FMNL2: variants seen among roughly 807,000 people sequenced by gnomAD.
FMNL2 encodes the protein formin like 2.
A neutral mutation model predicts 130.2 loss-of-function variants in FMNL2; 51 were observed. The observed-to-expected ratio is 0.39, with a 90% CI of 0.31 to 0.49. The LOEUF is 0.49. Among genes scored for constraint, FMNL2 ranks in the 20% least tolerant of loss-of-function variants. The probability of loss-of-function intolerance (pLI) is 0.85; values close to 1 mark genes in which losing one functional copy is unlikely to be tolerated. For synonymous variants in FMNL2, 465 were observed against 467.1 expected, an observed-to-expected ratio of 1.00 and a Z score of 0.06; for missense variants, 977 against 1,316.2, an observed-to-expected ratio of 0.74 and a Z score of 3.99.
intron 1 of FMNL2, among the ~76,000 whole-genome samples, chr2:152,473,334 G>C (rs1466510201): frequency 6.6e-6 from 1 of 152,110 alleles, no homozygotes; most frequent in African/African-American, 2.4e-5. Context: ...CTCCCAAGTT[G>C]CTGGGATTAC....
intron 1 of FMNL2, among the ~76,000 whole-genome samples, chr2:152,374,860 GTCCCTAGGTC>G (rs1393848971): frequency 6.6e-6 from 1 of 152,152 alleles, no homozygotes; most frequent in Non-Finnish European, 1.5e-5. Context: ...ATATGAGAGG[GTCCCTAGGTC>G]TCACTTTCAG....
rs773973729 is a variant in FMNL2 at position 152,569,704 on chromosome 2, T to TA, written c.597-5418dup. 2.2e-3 allele frequency among the ~76,000 whole-genome samples: 284 copies of TA among 126,366 alleles called. 1 individual carries two copies. Among genetic ancestry groups the TA allele is most frequent in the African/African-American group, 5.4e-3 (184 of 34,130 alleles). The allele number at this position is 126,366 out of a possible 152,430, so 82.9% of individuals were successfully genotyped here. A position where few individuals can be genotyped will look rare whatever the true frequency, so the allele number is the denominator to read the frequency against. The stretch of plus-strand genomic sequence containing the variant: ...TCAAAAAAAAAAAAAAAAAGGAAGT[T>TA]AAAAAAAAAAAAAAGATACTTGTGG... On this transcript the variant is annotated intron_variant, in intron 6 of 25. Transcript: ENST00000288670.
Position 152,637,621 on chromosome 2 carries a change from A to C in FMNL2, c.2893A>C (p.Thr965Pro), listed in dbSNP as rs777852364. The C allele has an allele frequency of 2.3e-5, 37 of 1,613,862 alleles. No homozygotes were observed. The highest frequency in any genetic ancestry group is 4.5e-5 in the East Asian group (2 of 44,888). ...GTATTTTGGAGAAAACCCCAAGACA[A>C]CACCACCCTCTGTCTTCTTTCCTGT... ...VKYFGENPKT[T>P]PPSVFFPVFV... is the part of the protein sequence containing the mutation. The change falls in exon 23 of 26, where the codon ACA becomes CCA. Residue 965 changes from threonine to proline, a missense_variant. Around this residue, in one of 4 missense-constraint regions of FMNL2, gnomAD observed 168 missense variants for 168.8 expected, o/e 1.00. Transcript: ENST00000288670.
chr2:152,447,436 G>A (rs1331148239), intron 1 of FMNL2, among the ~76,000 whole-genome samples: 1 of 152,054 alleles, frequency 6.6e-6, no homozygotes, highest in Non-Finnish European at 1.5e-5. Flanking sequence ...AATAATCTCA[G>A]ATTTTCTTCA....
At chr2:152,337,982 G>A (rs566921329) in intron 1 of FMNL2, among the ~76,000 whole-genome samples, 3 of 150,692 alleles carry the variant, frequency 2.0e-5, no homozygotes, top group South Asian at 2.1e-4. Context: ...GATCATCTCC[G>A]TGGGCCAATA....
chr2:152,356,590 C>T (rs933764753), intron 1 of FMNL2, among the ~76,000 whole-genome samples: 1 of 152,206 alleles, frequency 6.6e-6, no homozygotes, highest in Non-Finnish European at 1.5e-5. Context: ...CACTCACAGA[C>T]CACAAAGTGG....
chr2:152,569,463 G>A (rs1480886062), intron 6 of FMNL2, among the ~76,000 whole-genome samples: 1 of 152,086 alleles, frequency 6.6e-6, no homozygotes, highest in Non-Finnish European at 1.5e-5. Flanking sequence ...TTAAGTAGGT[G>A]GCTGGGTGCA....
chr2:152,354,565 G>A (rs902745430), intron 1 of FMNL2, among the ~76,000 whole-genome samples: 1 of 152,166 alleles, frequency 6.6e-6, no homozygotes, highest in Non-Finnish European at 1.5e-5. Flanking sequence ...ATCTTGCTGA[G>A]TCAGACAGAG....
chr2:152,412,242 G>A (rs1307872729), intron 1 of FMNL2, among the ~76,000 whole-genome samples: 2 of 151,616 alleles, frequency 1.3e-5, no homozygotes, highest in African/African-American at 4.9e-5. Flanking sequence ...AGTTGCCCTT[G>A]TGTATTGTTT....
At chr2:152,358,321 A>G (rs1162024483) in intron 1 of FMNL2, among the ~76,000 whole-genome samples, 1 of 152,164 alleles carries the variant, frequency 6.6e-6, no homozygotes, top group Middle Eastern at 3.4e-3. Flanking sequence ...CAGATGGCCT[A>G]TTGTTGGACT....
chr2:152,535,043 T>C (rs1324126897), intron 2 of FMNL2, among the ~76,000 whole-genome samples: 1 of 152,206 alleles, frequency 6.6e-6, no homozygotes, highest in African/African-American at 2.4e-5. Context: ...ACTTTAAAAG[T>C]TGGGAACGGA....
intron 1 of FMNL2, among the ~76,000 whole-genome samples, chr2:152,420,294 A>G (rs1364624249): frequency 1.3e-5 from 2 of 152,210 alleles, no homozygotes; most frequent in Non-Finnish European, 2.9e-5. Context: ...TGTAAGCCAA[A>G]TGGAACTGTT....
chr2:152,579,653 G>A (rs148399125), intron 8 of FMNL2, among the ~76,000 whole-genome samples: 37 of 152,256 alleles, frequency 2.4e-4, no homozygotes, highest in African/African-American at 8.2e-4. Context: ...AGCCGAGATC[G>A]CACCGCTGCA....
At chr2:152,335,782 AC>A in intron 1 of FMNL2, 62 bp downstream of exon 1, 1 of 1,194,010 alleles carries the variant, frequency 8.4e-7, no homozygotes, top group Non-Finnish European at 1.1e-6. Flanking sequence ...GGCGCAGCTG[AC>A]CCCCGCCCCT....
intron 9 of FMNL2, among the ~76,000 whole-genome samples, chr2:152,601,666 TCTTTC>T (rs1363794756): frequency 1.3e-5 from 1 of 77,142 alleles, no homozygotes; most frequent in East Asian, 3.8e-4. Context: ...TCTTTTCTTT[TCTTTC>T]TTTTTTTTTT....
intron 1 of FMNL2, among the ~76,000 whole-genome samples, chr2:152,392,887 TG>T (rs1175734621): frequency 6.6e-6 from 1 of 151,890 alleles, no homozygotes; most frequent in African/African-American, 2.4e-5. Context: ...GAGCTAAGAG[TG>T]GGAGGGGAGA....
chr2:152,338,475 A>G (rs1681603827), intron 1 of FMNL2, among the ~76,000 whole-genome samples: 1 of 152,224 alleles, frequency 6.6e-6, no homozygotes, highest in Non-Finnish European at 1.5e-5. Context: ...AAATCTATTC[A>G]ATGACTATAC....
At chr2:152,584,034 T>C (rs1426043448) in intron 9 of FMNL2, among the ~76,000 whole-genome samples, 1 of 152,200 alleles carries the variant, frequency 6.6e-6, no homozygotes, top group Non-Finnish European at 1.5e-5. Context: ...GGTGTTATTC[T>C]GTGTTGATCT....
chr2:152,418,281 T>A (rs773729080), intron 1 of FMNL2, among the ~76,000 whole-genome samples: 22 of 149,044 alleles, frequency 1.5e-4, no homozygotes, highest in Non-Finnish European at 3.1e-4. Flanking sequence ...TAATTTTTAT[T>A]TTTTGCTGTG....
Sources: allele counts gnomAD v4.1 joint callset (sites outside exome capture counted in the v4.1 genomes callset), GRCh38; gene constraint gnomAD v4.1.1; regional missense constraint gnomAD v4.1.1; transcripts MANE v1.5; gene names NCBI Gene and HGNC (gene_info 2026-07-23, HGNC 2026-07-21).